CARHSP1: variants seen among roughly 807,000 people sequenced by gnomAD.
CARHSP1 encodes the protein calcium regulated heat stable protein 1.
Under a neutral mutation model 12.5 loss-of-function variants are expected in CARHSP1, and 14 were observed. The observed-to-expected ratio is 1.12, with a 90% CI of 0.74 to 1.75. The LOEUF is 1.75. Among genes scored for constraint, CARHSP1 ranks in the 40% most tolerant of loss-of-function variants. The pLI is 0.00. For missense variants in CARHSP1, 343 were observed against 201.6 expected (o/e 1.70, Z -4.25); for synonymous variants, 161 against 82.0 (o/e 1.96, Z -5.20).
chr16:8,855,167 G>C lies in CARHSP1; in HGVS notation c.441C>G (p.Ser147=), dbSNP rs2061056175. The part of the protein sequence containing the change: ...HETWSGHVIS[S] ...CAAGGGGTGCTTCCACCATCTCCTAGGAGCTGATGACATGTCCAGACCAGG... is the reference window on the plus strand; with the variant it reads ...CAAGGGGTGCTTCCACCATCTCCTACGAGCTGATGACATGTCCAGACCAGG... Residue 147 remains serine, a synonymous_variant, in exon 4 of 4, where the codon TCC becomes TCG. Coordinates refer to ENST00000311052, the MANE Select transcript of CARHSP1 (RefSeq NM_014316.4). The C allele has an allele frequency of 1.3e-6, 2 of 1,592,074 alleles. No individual in the cohort carries two copies. Among genetic ancestry groups the C allele is most frequent in the East Asian group, 2.3e-5 (1 of 43,612 alleles).
chr16:8,861,869 G>T, intron 1 of CARHSP1: 2 of 1,163,598 alleles, frequency 1.7e-6, no homozygotes, highest in Non-Finnish European at 2.2e-6. Context: ...GCCCTGTCCA[G>T]GCCTCCCAGG....
chr16:8,862,391 G>A (rs773470663), intron 1 of CARHSP1, among the ~76,000 whole-genome samples: 12 of 152,128 alleles, frequency 7.9e-5, no homozygotes, highest in Non-Finnish European at 1.6e-4. Context: ...TACGACTGTT[G>A]TTATAATTGT....
intron 1 of CARHSP1, among the ~76,000 whole-genome samples, chr16:8,861,005 A>C (rs2061335062): frequency 1.3e-5 from 2 of 149,576 alleles, no homozygotes; most frequent in Non-Finnish European, 3.0e-5. Context: ...AGCCGAGATC[A>C]CACCACAGCA....
At chr16:8,861,534 G>T (rs1016929281) in intron 1 of CARHSP1, 2 of 1,115,436 alleles carry the variant, frequency 1.8e-6, no homozygotes, top group Non-Finnish European at 2.4e-6. Flanking sequence ...CTGCTCAGAG[G>T]AGAAGGGATG....
In CARHSP1 at chr16:8,854,290, T is replaced by C. The variant is rs2061027522; in HGVS notation, c.*874A>G. On this transcript the variant is annotated 3_prime_UTR_variant, in exon 4 of 4. Coordinates refer to ENST00000311052, the MANE Select transcript of CARHSP1 (RefSeq NM_014316.4). ...CTGTCAGGATGCAAGCTACCTACTC[T>C]TTTCTGGATGGATCGGGACAAAGTT... 2 of 152,216 alleles carry C rather than the reference T, an allele frequency of 1.3e-5. No individual in the cohort carries two copies. The highest frequency in any genetic ancestry group is 1.3e-4 in the Admixed American group (2 of 15,278). The allele number at this position is 152,216 out of a possible 1,614,324, so 9.4% of individuals were successfully genotyped here.
chr16:8,858,111 C>T, intron 3 of CARHSP1: 1 of 552,636 alleles, frequency 1.8e-6, no homozygotes, highest in South Asian at 2.1e-5. Context: ...CAGGGACAAT[C>T]ACAAGTACCG....
rs1049898325 is a variant in CARHSP1 at position 8,853,426 on chromosome 16, G to A, written c.*1738C>T. ...GGAGCATCGCAGGCGAGGAAACAAT[G>A]GCCAGGACCTAACTGTGGTGGGAAC... On this transcript the variant is annotated 3_prime_UTR_variant, in exon 4 of 4. Coordinates refer to ENST00000311052, the MANE Select transcript of CARHSP1 (RefSeq NM_014316.4). The A allele has an allele frequency of 2.2e-5, 3 of 134,158 alleles. No individual in the cohort carries two copies. The highest frequency in any genetic ancestry group is 8.6e-5 in the African/African-American group (3 of 34,774). The allele number at this position is 134,158 out of a possible 1,614,324, so 8.3% of individuals were successfully genotyped here. A position where few individuals can be genotyped will look rare whatever the true frequency, so the allele number is the denominator to read the frequency against.
In CARHSP1 at chr16:8,859,185, C is replaced by G. The variant is rs200553358; in HGVS notation, c.144G>C (p.Thr48=). 5.1e-5 allele frequency: 82 copies of G among 1,601,872 alleles called. No homozygotes were observed. The highest frequency in any genetic ancestry group is 6.6e-5 in the Non-Finnish European group (78 of 1,174,122). The change falls in exon 2 of 4, where the codon ACG becomes ACC. Residue 48 remains threonine, a synonymous_variant. Transcript: ENST00000311052. The part of the protein sequence containing the change: ...VVPSPLPTRR[T]RTFSATVRAS... ...TCCAGACTCACGCCGAGAAGGTCCT[C>G]GTCCGGCGAGTGGGCAGTGGGCTTG...
intron 2 of CARHSP1, chr16:8,858,694 GT>G (rs2061237912): frequency 5.5e-6 from 3 of 545,106 alleles, no homozygotes; most frequent in Non-Finnish European, 6.4e-6. Context: ...TCTCGGGCCT[GT>G]TTTCCCTCCT....
chr16:8,858,101 C>G (rs138458502), intron 3 of CARHSP1: 1 of 535,156 alleles, frequency 1.9e-6, no homozygotes, highest in African/African-American at 1.9e-5. Context: ...AAGACACACC[C>G]AGGGACAATC....
chr16:8,855,731 G>A (rs940034748), intron 3 of CARHSP1, among the ~76,000 whole-genome samples: 1 of 152,218 alleles, frequency 6.6e-6, no homozygotes, highest in East Asian at 1.9e-4. Flanking sequence ...GGTGGCCTGG[G>A]CAGGGCTTTC....
intron 3 of CARHSP1, chr16:8,857,351 C>G (rs765549849): frequency 2.9e-5 from 4 of 135,728 alleles, no homozygotes; most frequent in Non-Finnish European, 6.2e-5. Context: ...GGCGCGATCT[C>G]GGCTCACCAT....
intron 1 of CARHSP1, among the ~76,000 whole-genome samples, chr16:8,860,855 A>C (rs2061331583): frequency 6.6e-6 from 1 of 151,896 alleles, no homozygotes; most frequent in Non-Finnish European, 1.5e-5. Flanking sequence ...GTTGGAGACC[A>C]GCCTGGCCAA....
chr16:8,858,509 C>T (rs374284957), intron 2 of CARHSP1, 37 bp from the exon 3 acceptor site: 183 of 1,605,272 alleles, frequency 1.1e-4, no homozygotes, highest in East Asian at 7.1e-4. Flanking sequence ...GCCCCATCAG[C>T]GCTCCTGGGC....
Position 8,854,786 on chromosome 16 carries a change from C to T in CARHSP1, c.*378G>A, listed in dbSNP as rs1164264212. On this transcript the variant is annotated 3_prime_UTR_variant, in exon 4 of 4. Coordinates refer to ENST00000311052, the MANE Select transcript of CARHSP1 (RefSeq NM_014316.4). ...GGCCAGATCTGGGAATCTGGGGCCTCCAGCTCCAGGAGGAAGAGGGATTCT... is the reference window on the plus strand; with the variant it reads ...GGCCAGATCTGGGAATCTGGGGCCTTCAGCTCCAGGAGGAAGAGGGATTCT... 1.2e-5 allele frequency: 2 copies of T among 164,792 alleles called. No homozygotes were observed. Among genetic ancestry groups the T allele is most frequent in the African/African-American group, 2.4e-5 (1 of 41,956 alleles). 10.2% of individuals were successfully genotyped at this position (164,792 alleles called of 1,614,324 possible). A position where few individuals can be genotyped will look rare whatever the true frequency, so the allele number is the denominator to read the frequency against.
intron 3 of CARHSP1, chr16:8,857,803 C>T (rs1409856303): frequency 2.2e-5 from 3 of 137,944 alleles, no homozygotes; most frequent in Non-Finnish European, 4.6e-5. Context: ...CTCTTGTTGC[C>T]CAGGCTGGAG....
chr16:8,854,286 A>C lies in CARHSP1; in HGVS notation c.*878T>G, dbSNP rs1041646388. The stretch of plus-strand genomic sequence containing the variant: ...CAGGCTGTCAGGATGCAAGCTACCT[A>C]CTCTTTTCTGGATGGATCGGGACAA... On this transcript the variant is annotated 3_prime_UTR_variant, in exon 4 of 4. Transcript: ENST00000311052. 1 of 152,014 alleles carries C rather than the reference A, an allele frequency of 6.6e-6. No individual in the cohort carries two copies. Among genetic ancestry groups the C allele is most frequent in the Non-Finnish European group, 1.5e-5 (1 of 67,994 alleles). 9.4% of individuals were successfully genotyped at this position (152,014 alleles called of 1,614,324 possible).
intron 1 of CARHSP1, among the ~76,000 whole-genome samples, chr16:8,865,912 T>C (rs553343262): frequency 1.5e-4 from 23 of 152,348 alleles, no homozygotes; most frequent in Non-Finnish European, 2.2e-4. Context: ...CAAATGCAGA[T>C]TGCCATTCAG....
chr16:8,860,229 C>A, intron 1 of CARHSP1: 5 of 985,060 alleles, frequency 5.1e-6, no homozygotes, highest in African/African-American at 3.5e-5. Flanking sequence ...CTGCGAGAGC[C>A]CAAAGGGAAA....
Sources: gnomAD v4.1 joint callset for allele counts (sites outside exome capture counted in the v4.1 genomes callset) on GRCh38, gnomAD v4.1.1 for gene constraint, MANE v1.5 for transcripts, NCBI Gene and HGNC (gene_info 2026-07-23, HGNC 2026-07-21) for gene names.